The following COL25A1 variants were observed in gnomAD, a reference collection of about 807,000 sequenced individuals.
COL25A1 encodes the protein collagen type XXV alpha 1 chain, also known as collagen alpha-1(XXV) chain.
COL25A1 carries 103 observed loss-of-function variants against 128.4 expected under a neutral mutation model. The observed-to-expected ratio is 0.80, with a 90% CI of 0.68 to 0.94. The LOEUF (loss-of-function observed/expected upper bound fraction) is 0.94, where lower values mean the gene tolerates loss of function less well. COL25A1 is among the 40% of genes least tolerant of loss of function. The probability of loss-of-function intolerance (pLI) is 0.00; values close to 1 mark genes in which losing one functional copy is unlikely to be tolerated. For missense variants in COL25A1, 745 were observed against 840.0 expected (o/e 0.89, Z 1.40); for synonymous variants, 279 against 277.2 (o/e 1.01, Z -0.06).
chr4:109,212,882 G>A (rs1578455559), intron 3 of COL25A1, among the ~76,000 whole-genome samples: 5 of 152,050 alleles, frequency 3.3e-5, no homozygotes, highest in South Asian at 4.2e-4. Flanking sequence ...TGTCTTCTGC[G>A]GCAGAAGACA....
chr4:109,020,321 T>G (rs1757607525), intron 5 of COL25A1, among the ~76,000 whole-genome samples: 1 of 152,204 alleles, frequency 6.6e-6, no homozygotes, highest in Non-Finnish European at 1.5e-5. Context: ...ATTACTTAGA[T>G]AAGAATTTTT....
rs901940232 is a variant in COL25A1, at chr4:109,120,815, G to GA, written c.368-70637dup. Among the ~76,000 whole-genome samples, 124 of 93,166 alleles carry GA rather than the reference G, an allele frequency of 1.3e-3. 2 individuals carry two copies. Among genetic ancestry groups the GA allele is most frequent in the East Asian group, 2.1e-3 (7 of 3,266 alleles). 61.1% of individuals were successfully genotyped at this position (93,166 alleles called of 152,430 possible). On this transcript the variant is annotated intron_variant, in intron 3 of 37. Coordinates refer to ENST00000399132, the MANE Select transcript of COL25A1 (RefSeq NM_198721.4). ...AGAGTGAGACTCTGTCTCAACAAAA[G>GA]AAAAAAAAAAAAATTCAAAAACAAT...
chr4:109,281,850 GT>G (rs1723413696), intron 3 of COL25A1, among the ~76,000 whole-genome samples: 1 of 152,090 alleles, frequency 6.6e-6, no homozygotes, highest in African/African-American at 2.4e-5. Flanking sequence ...ATAAGAGGGT[GT>G]TTTCTTTTAA....
intron 3 of COL25A1, among the ~76,000 whole-genome samples, chr4:109,169,684 C>T (rs1317897749): frequency 1.3e-5 from 2 of 152,066 alleles, no homozygotes; most frequent in Admixed American, 6.6e-5. Flanking sequence ...CTAATTTCCA[C>T]TATAATATGG....
At chr4:109,201,581 A>T (rs932212053) in intron 3 of COL25A1, among the ~76,000 whole-genome samples, 1 of 152,220 alleles carries the variant, frequency 6.6e-6, no homozygotes, top group Non-Finnish European at 1.5e-5. Context: ...ACTCAGGAGC[A>T]AGGCAAGAAT....
intron 3 of COL25A1, among the ~76,000 whole-genome samples, chr4:109,132,244 C>A (rs1769281925): frequency 6.6e-6 from 1 of 152,100 alleles, no homozygotes; most frequent in South Asian, 2.1e-4. Flanking sequence ...TACACACACA[C>A]ATGCATACAC....
chr4:109,008,771 ACACACG>A (rs1314788342), intron 6 of COL25A1, among the ~76,000 whole-genome samples: 3 of 151,164 alleles, frequency 2.0e-5, no homozygotes, highest in African/African-American at 4.9e-5. Context: ...ACACACACAC[ACACACG>A]TAGGATAATA....
chr4:109,171,621 T>C (rs1230298920), intron 3 of COL25A1, among the ~76,000 whole-genome samples: 1 of 152,244 alleles, frequency 6.6e-6, no homozygotes, highest in African/African-American at 2.4e-5. Flanking sequence ...ACAACTCTTC[T>C]ATCACAGTTA....
chr4:108,846,255 A>G (rs201611791), intron 27 of COL25A1, 36 bp from the exon 28 acceptor site: 1 of 1,267,426 alleles, frequency 7.9e-7, no homozygotes, highest in Non-Finnish European at 1.2e-6. Flanking sequence ...TGTAAGCAGC[A>G]TAATGACCCC....
chr4:109,089,493 C>G (rs1764711605), intron 3 of COL25A1, among the ~76,000 whole-genome samples: 1 of 152,182 alleles, frequency 6.6e-6, no homozygotes, highest in South Asian at 2.1e-4. Context: ...TTTTCCATAA[C>G]ACAAAGGTCA....
chr4:108,941,622 C>A (rs1748103609), intron 8 of COL25A1, among the ~76,000 whole-genome samples, 185 bp from the exon 9 acceptor site: 2 of 152,144 alleles, frequency 1.3e-5, no homozygotes, highest in African/African-American at 4.8e-5. Flanking sequence ...GAAATATAAT[C>A]CTGAAATGGG....
chr4:108,889,263 A>G lies in COL25A1; in HGVS notation c.940-7T>C. On this transcript the variant is annotated splice_polypyrimidine_tract_variant and splice_region_variant and intron_variant, in intron 17 of 37. Coordinates refer to ENST00000399132, the MANE Select transcript of COL25A1 (RefSeq NM_198721.4). ...CAGATTCCCCAGGTTCTCCCTGGCCAAAGAAAACCAAAGATGAAAAACACA... is the reference window on the plus strand; with the variant it reads ...CAGATTCCCCAGGTTCTCCCTGGCCGAAGAAAACCAAAGATGAAAAACACA... 6.2e-7 allele frequency: 1 copy of G among 1,613,648 alleles called. No individual in the cohort carries two copies. The highest frequency in any genetic ancestry group is 8.5e-7 in the Non-Finnish European group (1 of 1,179,620).
chr4:109,211,877 A>G (rs1777589506), intron 3 of COL25A1, among the ~76,000 whole-genome samples: 1 of 152,144 alleles, frequency 6.6e-6, no homozygotes, highest in Non-Finnish European at 1.5e-5. Flanking sequence ...TTATTTCACA[A>G]TGCCTCGACC....
chr4:108,881,604 G>C (rs1009162654), intron 19 of COL25A1, among the ~76,000 whole-genome samples: 1 of 152,130 alleles, frequency 6.6e-6, no homozygotes, highest in Admixed American at 6.5e-5. Context: ...TGAAATCATA[G>C]TTAACTGTCC....
At chr4:109,213,393 A>G (rs1053890116) in intron 3 of COL25A1, among the ~76,000 whole-genome samples, 4 of 152,166 alleles carry the variant, frequency 2.6e-5, no homozygotes, top group African/African-American at 4.8e-5. Flanking sequence ...CCAACAGGAT[A>G]TGGCACAAGA....
intron 13 of COL25A1, among the ~76,000 whole-genome samples, chr4:108,912,633 A>T (rs567180295): frequency 8.5e-5 from 13 of 152,314 alleles, no homozygotes; most frequent in Middle Eastern, 3.4e-3. Flanking sequence ...TGTAGGTGGC[A>T]GTAAATATAT....
chr4:109,016,605 C>T (rs570219584), intron 5 of COL25A1, among the ~76,000 whole-genome samples: 13 of 152,308 alleles, frequency 8.5e-5, no homozygotes, highest in African/African-American at 3.1e-4. Flanking sequence ...CAGACTCAAA[C>T]AGACTCACAC....
At chr4:109,025,021 G>C (rs545994278) in intron 5 of COL25A1, among the ~76,000 whole-genome samples, 77 of 152,260 alleles carry the variant, frequency 5.1e-4, no homozygotes, top group Non-Finnish European at 8.2e-4. Flanking sequence ...TGGATCCTTT[G>C]CTGTTTTGCA....
In COL25A1 at chr4:109,019,377, T is replaced by C. The variant is rs896327337; in HGVS notation, c.421-9002A>G. Among the ~76,000 whole-genome samples the C allele has an allele frequency of 5.2e-3, 132 of 25,302 alleles. 1 individual carries two copies. Among genetic ancestry groups the C allele is most frequent in the South Asian group, 0.024 (22 of 910 alleles). 16.6% of individuals were successfully genotyped at this position (25,302 alleles called of 152,430 possible). ...ACACACACACACACACACACACACA[T>C]ATATATATATATATATATATATTTA... On this transcript the variant is annotated intron_variant, in intron 5 of 37. Coordinates refer to ENST00000399132, the MANE Select transcript of COL25A1 (RefSeq NM_198721.4).
Sources: allele counts gnomAD v4.1 joint callset (sites outside exome capture counted in the v4.1 genomes callset), GRCh38; gene constraint gnomAD v4.1.1; transcripts MANE v1.5; gene names NCBI Gene and HGNC (gene_info 2026-07-23, HGNC 2026-07-21).